Variants in MAL observed in about 807,000 individuals in gnomAD.
MAL encodes myelin and lymphocyte protein.
Under a neutral mutation model 16.7 loss-of-function variants are expected in MAL, and 5 were observed. The ratio of observed to expected loss-of-function variants is 0.30; its 90% confidence interval spans 0.16 to 0.63. The LOEUF (loss-of-function observed/expected upper bound fraction) is 0.63, where lower values mean the gene tolerates loss of function less well. MAL is among the 30% of genes least tolerant of loss of function. The pLI is 0.82. For synonymous variants in MAL, 96 were observed against 85.5 expected, an observed-to-expected ratio of 1.12 and a Z score of -0.67; for missense variants, 202 against 195.8, an observed-to-expected ratio of 1.03 and a Z score of -0.19.
At position 95,049,636 on chromosome 2, in the gene MAL, AG is replaced by A; in HGVS notation, c.319del (p.Ala107ProfsTer28). The A allele has an allele frequency of 6.2e-7, 1 of 1,614,142 alleles. No homozygotes were observed. Among genetic ancestry groups the A allele is most frequent in the Non-Finnish European group, 8.5e-7 (1 of 1,180,012 alleles). On this transcript the variant is annotated frameshift_variant, in exon 3 of 4. Coordinates refer to ENST00000309988, the MANE Select transcript of MAL (RefSeq NM_002371.4). LOFTEE classifies it high-confidence loss of function. ...ALFYLSASVL[E>X]ALATITMQDG... ...TTTTACCTCAGCGCCTCAGTCCTGG[AG>A]GCCCTGGCCACCATCACGATGCAAG...
At chr2:95,032,461 C>T (rs534938216) in intron 1 of MAL, among the ~76,000 whole-genome samples, 1 of 152,320 alleles carries the variant, frequency 6.6e-6, no homozygotes, top group South Asian at 2.1e-4. Flanking sequence ...CTGGCCCCTC[C>T]AGTGTCAGTG....
Position 95,049,655 on chromosome 2 carries a change from G to C in MAL, c.336G>C (p.Thr112=), listed in dbSNP as rs769164854. The part of the protein sequence containing the change: ...ASVLEALATI[T]MQDGFTYRHY... ...TCCTGGAGGCCCTGGCCACCATCAC[G>C]ATGCAAGACGGCTTCACCTACAGGC... is the stretch of plus-strand genomic sequence containing the variant. Residue 112 remains threonine (T), a synonymous_variant, in exon 3 of 4, where the codon ACG becomes ACC. Transcript: ENST00000309988. 6.2e-7 allele frequency: 1 copy of C among 1,613,902 alleles called. No individual in the cohort carries two copies. The highest frequency in any genetic ancestry group is 8.5e-7 in the Non-Finnish European group (1 of 1,179,996).
chr2:95,031,479 G>T (rs1387073645), intron 1 of MAL, among the ~76,000 whole-genome samples: 2 of 152,248 alleles, frequency 1.3e-5, no homozygotes, highest in African/African-American at 4.8e-5. Flanking sequence ...GACTGGCTGA[G>T]ACTTGGAGCG....
At chr2:95,038,927 G>T (rs1465769124) in intron 1 of MAL, among the ~76,000 whole-genome samples, 2 of 104,652 alleles carry the variant, frequency 1.9e-5, no homozygotes, top group Admixed American at 1.0e-4. Context: ...TGACTGAGTA[G>T]GTGAGTGAGT....
At chr2:95,030,689 G>C (rs542176352) in intron 1 of MAL, among the ~76,000 whole-genome samples, 1 of 152,320 alleles carries the variant, frequency 6.6e-6, no homozygotes, top group East Asian at 1.9e-4. Flanking sequence ...TTGTGAGTGA[G>C]GGTGTGAGGA....
At chr2:95,042,081 GCT>G (rs1008046854) in intron 1 of MAL, among the ~76,000 whole-genome samples, 4 of 152,180 alleles carry the variant, frequency 2.6e-5, no homozygotes, top group Non-Finnish European at 4.4e-5. Flanking sequence ...CCAAGGACGA[GCT>G]AGTCTCATGT....
chr2:95,039,372 CTGAG>C lies in MAL; in HGVS notation c.94-8563_94-8560del, dbSNP rs532793861. On this transcript the variant is annotated intron_variant, in intron 1 of 3. Coordinates refer to ENST00000309988, the MANE Select transcript of MAL (RefSeq NM_002371.4). ...AGTGACTGACTGACTGACTGAGTAA[CTGAG>C]TGAGTGAGTGAGTGAGTGAGTGACT... Among the ~76,000 whole-genome samples, 518 of 68,602 alleles carry C rather than the reference CTGAG, an allele frequency of 7.6e-3. 1 individual carries two copies. Among genetic ancestry groups the C allele is most frequent in the African/African-American group, 0.02 (333 of 16,534 alleles). 45.0% of individuals were successfully genotyped at this position (68,602 alleles called of 152,430 possible). A position where few individuals can be genotyped will look rare whatever the true frequency, so the allele number is the denominator to read the frequency against.
At chr2:95,052,847 C>T (rs1377647863) in intron 3 of MAL, among the ~76,000 whole-genome samples, 1 of 152,196 alleles carries the variant, frequency 6.6e-6, no homozygotes, top group East Asian at 1.9e-4. Flanking sequence ...AAGTCTGGCT[C>T]TCTCAGCCAC....
At chr2:95,044,849 C>G (rs1274030801) in intron 1 of MAL, among the ~76,000 whole-genome samples, 1 of 152,222 alleles carries the variant, frequency 6.6e-6, no homozygotes, top group Non-Finnish European at 1.5e-5. Context: ...CTGTGACCAG[C>G]TCTCCACACA....
intron 1 of MAL, among the ~76,000 whole-genome samples, chr2:95,028,053 T>A (rs1157761480): frequency 6.7e-6 from 1 of 149,532 alleles, no homozygotes; most frequent in Non-Finnish European, 1.5e-5. Context: ...ACGCCTGTAA[T>A]CCCAGCACTT....
Position 95,048,078 on chromosome 2 carries a change from C to G in MAL, c.213C>G (p.Ile71Met), listed in dbSNP as rs149950864. The G allele has an allele frequency of 7.7e-5, 124 of 1,613,728 alleles. 1 individual carries two copies. The South Asian group carries it at 1.1e-3, about 14-fold the overall frequency. The change falls in exon 2 of 4, where the codon ATC becomes ATG. Residue 71 changes from isoleucine (I) to methionine (M), a missense_variant. By Grantham distance (10) the Ile-to-Met change is conservative. Transcript: ENST00000309988. ...FCFVATTTLI[I>M]LYIIGAHGGE... ...TCGTGGCCACCACCACCTTGATCAT[C>G]CTGTACATAATTGGAGCCCACGGTG...
intron 1 of MAL, among the ~76,000 whole-genome samples, chr2:95,028,662 C>G (rs1376582938): frequency 3.3e-5 from 5 of 152,204 alleles, no homozygotes; most frequent in Non-Finnish European, 2.9e-5. Context: ...CAGTGGCCAT[C>G]AGCAATGAAC....
chr2:95,039,196 C>CTGAGTGAGTGACTGAGTGAGTGAG (rs1173420450), intron 1 of MAL, among the ~76,000 whole-genome samples: 45 of 78,974 alleles, frequency 5.7e-4, no homozygotes, highest in Non-Finnish European at 8.2e-4. Flanking sequence ...GAGTGAGTGA[C>CTGAGTGAGTGACTGAGTGAGTGAG]TGAGTGAGTG....
chr2:95,049,683 T>C lies in MAL; in HGVS notation c.364T>C (p.Tyr122His). 6.2e-7 allele frequency: 1 copy of C among 1,614,078 alleles called. No homozygotes were observed. The highest frequency in any genetic ancestry group is 2.2e-5 in the East Asian group (1 of 44,860). Residue 122 changes from tyrosine (Y) to histidine (H), a missense_variant, in exon 3 of 4, where the codon TAC becomes CAC. Tyr to His is a moderately conservative substitution (Grantham distance 83). Transcript: ENST00000309988. ...GCAAGACGGCTTCACCTACAGGCAC[T>C]ACCATGAAAACATTGCTGCCGTGGT... ...TMQDGFTYRHYHENIAAVVFS... is the reference protein window; with the variant it reads ...TMQDGFTYRHHHENIAAVVFS...
At chr2:95,032,960 C>T (rs780948525) in intron 1 of MAL, among the ~76,000 whole-genome samples, 4 of 152,188 alleles carry the variant, frequency 2.6e-5, no homozygotes, top group Non-Finnish European at 5.9e-5. Flanking sequence ...CAAAGGAAAG[C>T]CTGTCACCAG....
rs1236159353 is a variant in MAL at position 95,053,651 on chromosome 2, C to T, written c.*196C>T. The T allele has an allele frequency of 1.2e-5, 7 of 585,488 alleles. No homozygotes were observed. Among genetic ancestry groups the T allele is most frequent in the Middle Eastern group, 4.6e-4 (1 of 2,188 alleles). The allele number at this position is 585,488 out of a possible 1,614,324, so 36.3% of individuals were successfully genotyped here. On this transcript the variant is annotated 3_prime_UTR_variant, in exon 4 of 4. Coordinates refer to ENST00000309988, the MANE Select transcript of MAL (RefSeq NM_002371.4). The stretch of plus-strand genomic sequence containing the variant: ...TTACTCTCCCGTGTGCCTTCGCGTC[C>T]GGGTTGGGAGCTTGCTGTGTCTAAC...
intron 1 of MAL, among the ~76,000 whole-genome samples, chr2:95,028,212 A>T (rs1483460739): frequency 6.6e-6 from 1 of 151,328 alleles, no homozygotes; most frequent in Non-Finnish European, 1.5e-5. Flanking sequence ...AGTCCCAGCT[A>T]CTCAGCAGGC....
intron 1 of MAL, among the ~76,000 whole-genome samples, chr2:95,028,723 AAAGGAATGAAGTACTGAT>A (rs1408063806): frequency 2.0e-5 from 3 of 152,222 alleles, no homozygotes; most frequent in Non-Finnish European, 4.4e-5. Context: ...CTGACCATAG[AAAGGAATGAAGTACTGAT>A]ACGTGCTACA....
At chr2:95,035,598 G>A (rs1191970117) in intron 1 of MAL, among the ~76,000 whole-genome samples, 1 of 151,980 alleles carries the variant, frequency 6.6e-6, no homozygotes, top group Non-Finnish European at 1.5e-5. Flanking sequence ...TTGCAAGCCT[G>A]AACAGGGGGC....
Sources: allele counts gnomAD v4.1 joint callset (sites outside exome capture counted in the v4.1 genomes callset), GRCh38; gene constraint gnomAD v4.1.1; transcripts MANE v1.5; gene names NCBI Gene and HGNC (gene_info 2026-07-23, HGNC 2026-07-21).